The following RARB variants were observed in gnomAD, a reference collection of about 807,000 sequenced individuals.
RARB encodes the protein retinoic acid receptor beta, also known as HBV-activated protein.
RARB carries 17 observed loss-of-function variants against 51.9 expected under a neutral mutation model. The observed-to-expected ratio is 0.33, with a 90% confidence interval of 0.22 to 0.49. The LOEUF (loss-of-function observed/expected upper bound fraction) is 0.49. Ranked by LOEUF, RARB falls within the 20% of genes least tolerant of loss-of-function variation. The pLI, the probability that RARB is intolerant of heterozygous loss-of-function variation, is 0.99. For missense variants in RARB, 369 were observed against 550.8 expected (o/e 0.67, Z 3.30); for synonymous variants, 215 against 195.4 (o/e 1.10, Z -0.84).
chr3:25,047,147 G>T (rs889937216), intron 2 of RARB, among the ~76,000 whole-genome samples: 5 of 152,174 alleles, frequency 3.3e-5, no homozygotes, highest in African/African-American at 9.7e-5. Flanking sequence ...GAGCTTTACA[G>T]ATTACTTACA....
chr3:24,922,626 A>T (rs188092535), intron 2 of RARB, among the ~76,000 whole-genome samples: 1 of 152,306 alleles, frequency 6.6e-6, no homozygotes, highest in Admixed American at 6.5e-5. Context: ...CTTAACCTCT[A>T]AATTATACTG....
intron 5 of RARB, among the ~76,000 whole-genome samples, chr3:25,357,751 A>G (rs1335595154): frequency 1.3e-5 from 2 of 152,046 alleles, no homozygotes; most frequent in Non-Finnish European, 2.9e-5. Flanking sequence ...TTTCCCAACA[A>G]TGCTTATTAA....
chr3:25,159,416 C>CCCG (rs891290965), intron 4 of RARB, among the ~76,000 whole-genome samples: 4 of 150,820 alleles, frequency 2.7e-5, no homozygotes, highest in South Asian at 2.1e-4. Flanking sequence ...TGATCCACCC[C>CCCG]CCCCGCTCCC....
rs1367860419 is a variant in RARB at position 24,856,435 on chromosome 3, A to C, written c.-458-2239A>C. Among the ~76,000 whole-genome samples the C allele has an allele frequency of 2.6e-5, 4 of 152,210 alleles. No homozygotes were observed. The East Asian group carries it at 7.7e-4, about 29-fold the overall frequency. Reference sequence around the variant, plus strand: ...ATATGGTATTATGTCCACCATGGTTATGTTGAAATTAAAGTTATCCAAGGC... The same window carrying C: ...ATATGGTATTATGTCCACCATGGTTCTGTTGAAATTAAAGTTATCCAAGGC... On this transcript the variant is annotated intron_variant, in intron 1 of 11. Coordinates refer to the RARB transcript ENST00000383772.
intron 1 of RARB, among the ~76,000 whole-genome samples, chr3:25,453,381 G>A (rs998270310): frequency 6.6e-6 from 1 of 151,724 alleles, no homozygotes; most frequent in African/African-American, 2.4e-5. Flanking sequence ...CCGAGTAGCT[G>A]GGATTACAGG....
At chr3:25,285,309 A>T (rs1272795091) in intron 5 of RARB, among the ~76,000 whole-genome samples, 1 of 152,190 alleles carries the variant, frequency 6.6e-6, no homozygotes, top group African/African-American at 2.4e-5. Flanking sequence ...AAGGCTTTCC[A>T]GTCAAAAGTA....
chr3:25,512,199 G>T (rs1453541090), intron 3 of RARB, among the ~76,000 whole-genome samples: 1 of 152,210 alleles, frequency 6.6e-6, no homozygotes, highest in African/African-American at 2.4e-5. Flanking sequence ...TTATGATACT[G>T]AGCCATCCTG....
chr3:25,009,739 T>C (rs1697354374), intron 2 of RARB, among the ~76,000 whole-genome samples: 1 of 152,192 alleles, frequency 6.6e-6, no homozygotes, highest in Non-Finnish European at 1.5e-5. Flanking sequence ...GGGCTGTGAT[T>C]TGGGATAAGC....
At chr3:25,587,687 C>T (rs1701451108) in intron 5 of RARB, among the ~76,000 whole-genome samples, 1 of 152,200 alleles carries the variant, frequency 6.6e-6, no homozygotes, top group Non-Finnish European at 1.5e-5. Flanking sequence ...CTCATCACAA[C>T]AGGCACTATA....
At chr3:25,163,504 A>AAAAAAAAAAATATATATATATATATAT (rs1303712411) in intron 4 of RARB, among the ~76,000 whole-genome samples, 1 of 131,096 alleles carries the variant, frequency 7.6e-6, no homozygotes, top group African/African-American at 3.2e-5. Flanking sequence ...CCTATCTCAA[A>AAAAAAAAAAATATATATATATATATAT]ATATATATAT....
chr3:25,102,539 C>CAA (rs199764472), intron 3 of RARB, among the ~76,000 whole-genome samples: 1 of 144,748 alleles, frequency 6.9e-6, no homozygotes, highest in Admixed American at 6.9e-5. Flanking sequence ...GACTCTGTCT[C>CAA]AAAAAAAAAT....
At chr3:25,525,453 TGTCTTC>T (rs1171904855) in intron 3 of RARB, among the ~76,000 whole-genome samples, 1 of 152,198 alleles carries the variant, frequency 6.6e-6, no homozygotes, top group Non-Finnish European at 1.5e-5. Flanking sequence ...TCACCTTCAT[TGTCTTC>T]ATAGACCCCC....
intron 4 of RARB, among the ~76,000 whole-genome samples, chr3:25,156,923 T>C (rs1700384201): frequency 6.6e-6 from 1 of 152,224 alleles, no homozygotes; most frequent in African/African-American, 2.4e-5. Flanking sequence ...ACTGGACAGC[T>C]GAAATATTGG....
chr3:24,998,542 C>T (rs182157556), intron 2 of RARB, among the ~76,000 whole-genome samples: 1 of 152,074 alleles, frequency 6.6e-6, no homozygotes, highest in African/African-American at 2.4e-5. Context: ...TTCAGAACAG[C>T]TGTTTGAAGG....
intron 4 of RARB, among the ~76,000 whole-genome samples, chr3:25,168,225 T>G (rs1410021367): frequency 6.6e-6 from 1 of 152,152 alleles, no homozygotes; most frequent in African/African-American, 2.4e-5. Context: ...TTTGTCTTTT[T>G]CTTTTTCTTT....
intron 5 of RARB, among the ~76,000 whole-genome samples, chr3:25,214,194 A>G (rs1317446799): frequency 1.3e-5 from 2 of 152,188 alleles, no homozygotes; most frequent in Admixed American, 1.3e-4. Flanking sequence ...GTGGGGCCCT[A>G]TCCTTGGCTT....
At chr3:25,504,317 A>T (rs1439097571) in intron 3 of RARB, among the ~76,000 whole-genome samples, 1 of 152,208 alleles carries the variant, frequency 6.6e-6, no homozygotes, top group East Asian at 1.9e-4. Context: ...CTGTTAATCT[A>T]TTGACCCAGC....
intron 5 of RARB, among the ~76,000 whole-genome samples, chr3:25,388,910 G>C (rs1706870291): frequency 6.6e-6 from 1 of 152,130 alleles, no homozygotes; most frequent in African/African-American, 2.4e-5. Flanking sequence ...AGTTGTAAGA[G>C]GAGAGAGATT....
chr3:25,259,831 C>A, intron 5 of RARB: 2 of 842,606 alleles, frequency 2.4e-6, no homozygotes, highest in Non-Finnish European at 2.9e-6. Context: ...AAAGTCAGAG[C>A]TCTTGGTATC....
Sources: allele counts gnomAD v4.1 joint callset (sites outside exome capture counted in the v4.1 genomes callset), GRCh38; gene constraint gnomAD v4.1.1; transcripts MANE v1.5; gene names NCBI Gene and HGNC (gene_info 2026-07-23, HGNC 2026-07-21).